SCN7A: variants seen among roughly 807,000 people sequenced by gnomAD.
SCN7A encodes the protein sodium voltage-gated channel alpha subunit 7.
SCN7A carries 138 observed loss-of-function variants against 155.2 expected under a neutral mutation model. That is an observed-to-expected ratio of 0.89 (90% CI 0.77 to 1.02). SCN7A has a LOEUF of 1.02. SCN7A is among the 50% of genes least tolerant of loss of function. SCN7A has a pLI of 0.00. For synonymous variants in SCN7A, 693 were observed against 649.0 expected, an observed-to-expected ratio of 1.07 and a Z score of -1.03; for missense variants, 2,058 against 1,986.6, an observed-to-expected ratio of 1.04 and a Z score of -0.68.
Position 166,435,609 on chromosome 2 carries a change from CAAAT to C in SCN7A, c.2158-2861_2158-2858del, listed in dbSNP as rs555665771. Among the ~76,000 whole-genome samples, 335 of 151,978 alleles carry C rather than the reference CAAAT, an allele frequency of 2.2e-3. 2 individuals carry two copies. Among genetic ancestry groups the C allele is most frequent in the African/African-American group, 7.6e-3 (315 of 41,466 alleles). On this transcript the variant is annotated intron_variant, in intron 15 of 25. Transcript: ENST00000643258. ...TAAGTACTTTCTGATTTGTAATCAA[CAAAT>C]AAACAGGTATGAAGGAATTTAACAT...
At chr2:166,456,664 C>T (rs563655336) in intron 11 of SCN7A, among the ~76,000 whole-genome samples, 9 of 152,174 alleles carry the variant, frequency 5.9e-5, no homozygotes, top group African/African-American at 2.2e-4. Flanking sequence ...CAAGCAGAGC[C>T]TTAAAGCACT....
At chr2:166,414,119 A>G (rs1701279847) in intron 21 of SCN7A, among the ~76,000 whole-genome samples, 1 of 88,252 alleles carries the variant, frequency 1.1e-5, no homozygotes. Flanking sequence ...ATAAATATAT[A>G]TAATATATTA....
At position 166,406,331 on chromosome 2, in the gene SCN7A, A is replaced by T; in HGVS notation, c.4298T>A (p.Phe1433Tyr). The T allele has an allele frequency of 6.2e-7, 1 of 1,613,184 alleles. No homozygotes were observed. ...ATCAAGCATCCCATCCCAACCAGCA[A>T]ATATTGCAACTTGAAAAAGACAGAG... is the stretch of plus-strand genomic sequence containing the variant. ...SMLCLFQVAI[F>Y]AGWDGMLDAI... Residue 1433 changes from phenylalanine (F) to tyrosine (Y), a missense_variant, in exon 26 of 26, where the codon TTT becomes TAT. Phe to Tyr is a conservative substitution (Grantham distance 22). Coordinates refer to ENST00000643258, the MANE Select transcript of SCN7A (RefSeq NM_002976.4).
At chr2:166,415,266 C>T (rs1701350874) in intron 21 of SCN7A, among the ~76,000 whole-genome samples, 1 of 149,500 alleles carries the variant, frequency 6.7e-6, no homozygotes, top group African/African-American at 2.5e-5. Context: ...CACTTTGTCA[C>T]CAGACTGGAG....
At chr2:166,430,590 T>A (rs2105409330) in intron 16 of SCN7A, among the ~76,000 whole-genome samples, 1 of 152,040 alleles carries the variant, frequency 6.6e-6, no homozygotes, top group Admixed American at 6.6e-5. Context: ...TTTCTAATTT[T>A]ACAAATAAAT....
At chr2:166,414,788 A>T (rs1335654168) in intron 21 of SCN7A, 1 of 136,462 alleles carries the variant, frequency 7.3e-6, no homozygotes, top group Non-Finnish European at 1.5e-5. Context: ...AATATATATT[A>T]TTATATAGGA....
At chr2:166,474,159 GA>G (rs1294197808) in intron 4 of SCN7A, 66 bp downstream of exon 4, 7 of 682,244 alleles carry the variant, frequency 1.0e-5, no homozygotes, top group African/African-American at 1.9e-5. Flanking sequence ...AGAAATAATT[GA>G]ATAATAGTAT....
At chr2:166,447,803 T>G in intron 11 of SCN7A, 95 bp from the exon 12 acceptor site, 1 of 774,660 alleles carries the variant, frequency 1.3e-6, no homozygotes, top group Non-Finnish European at 2.2e-6. Context: ...TGCCACTTAT[T>G]CTCCCGGAGC....
At position 166,421,303 on chromosome 2, in the gene SCN7A, T is replaced by C. The variant is rs945403245; in HGVS notation, c.3028-6A>G. ...ATTAAGCTAAGACAAAACACCTATA[T>C]ATTTTTTTTAAAAAAAGAGTGAATA... On this transcript the variant is annotated splice_polypyrimidine_tract_variant and splice_region_variant and intron_variant, in intron 19 of 25. Transcript: ENST00000643258. The C allele has an allele frequency of 2.8e-6, 4 of 1,446,768 alleles. No individual in the cohort carries two copies. Among genetic ancestry groups the C allele is most frequent in the Middle Eastern group, 2.4e-4 (1 of 4,092 alleles). The allele number at this position is 1,446,768 out of a possible 1,614,324, so 89.6% of individuals were successfully genotyped here.
intron 2 of SCN7A, among the ~76,000 whole-genome samples, chr2:166,482,201 G>T (rs1048751050): frequency 1.3e-5 from 2 of 151,956 alleles, no homozygotes; most frequent in Non-Finnish European, 1.5e-5. Context: ...GTATATTTTT[G>T]ATATTTTTAG....
intron 16 of SCN7A, 39 bp from the exon 17 acceptor site, chr2:166,429,313 G>C: frequency 7.7e-7 from 1 of 1,303,456 alleles, no homozygotes; most frequent in Non-Finnish European, 1.1e-6. Context: ...TGTGATTAAA[G>C]TTTCATTTAC....
intron 1 of SCN7A, among the ~76,000 whole-genome samples, chr2:166,492,343 A>G (rs1683132512): frequency 6.6e-6 from 1 of 152,194 alleles, no homozygotes; most frequent in South Asian, 2.1e-4. Flanking sequence ...CAAGATTTTA[A>G]TGAATCTTTG....
At chr2:166,409,175 A>C (rs1701142590) in intron 25 of SCN7A, among the ~76,000 whole-genome samples, 1 of 152,036 alleles carries the variant, frequency 6.6e-6, no homozygotes. Context: ...GAGAATTATC[A>C]AGTGTATTTA....
intron 16 of SCN7A, among the ~76,000 whole-genome samples, chr2:166,429,763 T>C (rs1701695635): frequency 6.6e-6 from 1 of 152,038 alleles, no homozygotes; most frequent in Non-Finnish European, 1.5e-5. Context: ...GGATGGGATT[T>C]ATCATGAAGT....
At chr2:166,406,748 T>A in intron 25 of SCN7A, 102 bp from the exon 26 acceptor site, 1 of 803,556 alleles carries the variant, frequency 1.2e-6, no homozygotes, top group Non-Finnish European at 2.0e-6. Context: ...CCTGTTTTAT[T>A]AATCCTTTAT....
At chr2:166,455,560 G>T (rs1019176411) in intron 11 of SCN7A, among the ~76,000 whole-genome samples, 1 of 152,062 alleles carries the variant, frequency 6.6e-6, no homozygotes, top group Non-Finnish European at 1.5e-5. Flanking sequence ...GAAGAGAAGG[G>T]GAAGGGCAAG....
At position 166,425,063 on chromosome 2, in the gene SCN7A, A is replaced by G. The variant is rs137956714; in HGVS notation, c.2854-1631T>C. ...CACAATCAACGGCTGAGTGGAATAG[A>G]GATATAAATGCCAGCTCCCTTTTGT... On this transcript the variant is annotated intron_variant, in intron 18 of 25. Transcript: ENST00000643258. 6.6e-5 allele frequency among the ~76,000 whole-genome samples: 10 copies of G among 152,244 alleles called. No homozygotes were observed. The East Asian group carries it at 1.4e-3, about 21-fold the overall frequency.
In SCN7A at chr2:166,405,004, A is replaced by T. The variant is rs546343503; in HGVS notation, c.*576T>A. On this transcript the variant is annotated 3_prime_UTR_variant, in exon 26 of 26. Coordinates refer to ENST00000643258, the MANE Select transcript of SCN7A (RefSeq NM_002976.4). ...TGAAAACAAGAACATACAAAAATAA[A>T]CACAGAGCTTCAACCAATCTTTTTC... is the stretch of plus-strand genomic sequence containing the variant. 2.6e-5 allele frequency: 4 copies of T among 151,974 alleles called. No homozygotes were observed. The highest frequency in any genetic ancestry group is 5.9e-5 in the Non-Finnish European group (4 of 67,920). The allele number at this position is 151,974 out of a possible 1,614,324, so 9.4% of individuals were successfully genotyped here.
intron 21 of SCN7A, chr2:166,414,529 C>G (rs1190838613): frequency 7.1e-6 from 1 of 140,540 alleles, no homozygotes; most frequent in Admixed American, 7.9e-5. Context: ...TTCGGTCACC[C>G]GGAAGTCTAT....
Sources: gnomAD v4.1 joint callset for allele counts (sites outside exome capture counted in the v4.1 genomes callset) on GRCh38, gnomAD v4.1.1 for gene constraint, MANE v1.5 for transcripts, NCBI Gene and HGNC (gene_info 2026-07-23, HGNC 2026-07-21) for gene names.